Variants in MS4A8 observed in about 807,000 individuals in gnomAD.
The protein encoded by MS4A8 is membrane spanning 4-domains A8, also known as membrane-spanning 4-domains subfamily A member 8.
Under a neutral mutation model 23.7 loss-of-function variants are expected in MS4A8, and 27 were observed. That is an observed-to-expected ratio of 1.14 (90% confidence interval 0.84 to 1.57). The LOEUF is 1.57. Ranked by LOEUF, MS4A8 falls within the 40% of genes most tolerant of loss-of-function variation. The pLI is 0.00. For missense variants in MS4A8, 301 were observed against 311.4 expected (o/e 0.97, Z 0.25); for synonymous variants, 138 against 126.3 (o/e 1.09, Z -0.62).
chr11:60,707,477 G>T (rs192565500), intron 4 of MS4A8, among the ~76,000 whole-genome samples: 1 of 152,160 alleles, frequency 6.6e-6, no homozygotes, highest in African/African-American at 2.4e-5. Flanking sequence ...TCAGTCACTC[G>T]CTTTCCTAAG....
chr11:60,702,516 C>A (rs1159340733), intron 2 of MS4A8, among the ~76,000 whole-genome samples: 3 of 152,240 alleles, frequency 2.0e-5, no homozygotes, highest in African/African-American at 7.2e-5. Flanking sequence ...GATTCTCCCG[C>A]CTCAGCCTCC....
chr11:60,714,201 G>A (rs2088323093), intron 5 of MS4A8, among the ~76,000 whole-genome samples: 3 of 149,930 alleles, frequency 2.0e-5, no homozygotes, highest in Admixed American at 6.6e-5. Context: ...TGGGATTACA[G>A]GCGTGAGCCA....
chr11:60,708,815 T>C (rs774845355), intron 5 of MS4A8, 34 bp downstream of exon 5: 3 of 1,612,826 alleles, frequency 1.9e-6, no homozygotes, highest in East Asian at 4.5e-5. Flanking sequence ...ATCCTCTAAG[T>C]TCTGAATTAG....
At chr11:60,715,176 A>G (rs537733607) in intron 6 of MS4A8, 42 bp downstream of exon 6, 51 of 1,544,064 alleles carry the variant, frequency 3.3e-5, no homozygotes, top group Middle Eastern at 3.4e-4. Context: ...GATGCCCCCA[A>G]AAAGGTGGAG....
At chr11:60,714,898 G>A (rs561074828) in intron 5 of MS4A8, 123 bp from the exon 6 acceptor site, 7 of 688,664 alleles carry the variant, frequency 1.0e-5, no homozygotes, top group African/African-American at 5.3e-5. Context: ...TTCCCCCCAC[G>A]AGGCTGAGAG....
intron 4 of MS4A8, among the ~76,000 whole-genome samples, chr11:60,707,328 G>A (rs1480053489): frequency 6.6e-6 from 1 of 152,150 alleles, no homozygotes; most frequent in African/African-American, 2.4e-5. Context: ...GAGAGAGAGA[G>A]AGAGATAACA....
chr11:60,712,942 A>G (rs1370184955), intron 5 of MS4A8, among the ~76,000 whole-genome samples: 1 of 151,846 alleles, frequency 6.6e-6, no homozygotes, highest in Non-Finnish European at 1.5e-5. Context: ...TTAGATTGAA[A>G]CTCGCTTCCC....
chr11:60,704,827 CACACACACAT>C, intron 3 of MS4A8, among the ~76,000 whole-genome samples: 1 of 123,050 alleles, frequency 8.1e-6, no homozygotes, highest in Admixed American at 1.0e-4. Context: ...CACACACACA[CACACACACAT>C]ACACACACAC....
intron 2 of MS4A8, chr11:60,703,065 A>G (rs664114): frequency 0.8 from 157,244 of 195,830 alleles, 64,557 homozygotes; most frequent in Non-Finnish European, 0.89. Flanking sequence ...CTGAAAAAAC[A>G]TATGTTCCAA....
In MS4A8 at chr11:60,703,434, G is replaced by C; in HGVS notation, c.276G>C (p.Thr92=). The C allele has an allele frequency of 6.2e-7, 1 of 1,605,526 alleles. No individual in the cohort carries two copies. The highest frequency in any genetic ancestry group is 8.5e-7 in the Non-Finnish European group (1 of 1,176,628). Residue 92 remains threonine (T), a synonymous_variant, in exon 3 of 7, where the codon ACG becomes ACC. Coordinates refer to ENST00000300226, the MANE Select transcript of MS4A8 (RefSeq NM_031457.2). ...TCGGCCTCGGCTCCATCATGGCGAC[G>C]GTTCTCGTAGGGGAATACCTGTCTA... is the stretch of plus-strand genomic sequence containing the variant. The part of the protein sequence containing the change: ...AHIGLGSIMA[T]VLVGEYLSIS...
intron 3 of MS4A8, among the ~76,000 whole-genome samples, chr11:60,704,495 TTGTTGG>T (rs1473104166): frequency 6.6e-6 from 1 of 152,158 alleles, no homozygotes; most frequent in African/African-American, 2.4e-5. Flanking sequence ...GCCCCTGGCA[TTGTTGG>T]ACATAGGCCC....
chr11:60,707,209 G>T (rs747503549), intron 4 of MS4A8, among the ~76,000 whole-genome samples, 162 bp downstream of exon 4: 1 of 152,184 alleles, frequency 6.6e-6, no homozygotes, highest in African/African-American at 2.4e-5. Context: ...CTGGCCACAG[G>T]AGCCTGGCCC....
chr11:60,707,134 T>C lies in MS4A8; in HGVS notation c.402+87T>C, dbSNP rs1399452273. 8 of 1,232,216 alleles carry C rather than the reference T, an allele frequency of 6.5e-6. No homozygotes were observed. In the East Asian group the frequency reaches 1.4e-4, roughly 21 times the overall value. 76.3% of individuals were successfully genotyped at this position (1,232,216 alleles called of 1,614,324 possible). A position where few individuals can be genotyped will look rare whatever the true frequency, so the allele number is the denominator to read the frequency against. On this transcript the variant is annotated intron_variant, in intron 4 of 6. Coordinates refer to ENST00000300226, the MANE Select transcript of MS4A8 (RefSeq NM_031457.2). ...GGAAAATAAGGTCACATACGATTCC[T>C]CCCCCAGCCTTGCACCTACTATAAC... is the stretch of plus-strand genomic sequence containing the variant.
chr11:60,700,822 AT>A (rs1262890537), intron 1 of MS4A8, 37 bp from the exon 2 acceptor site: 1 of 1,608,770 alleles, frequency 6.2e-7, no homozygotes, highest in African/African-American at 1.3e-5. Context: ...ACAAGTCCAT[AT>A]GTGAGGGAAA....
At chr11:60,708,809 T>C in intron 5 of MS4A8, 28 bp downstream of exon 5, 1 of 1,613,320 alleles carries the variant, frequency 6.2e-7, no homozygotes, top group African/African-American at 1.3e-5. Flanking sequence ...CCAAAGATCC[T>C]CTAAGTTCTG....
intron 5 of MS4A8, among the ~76,000 whole-genome samples, chr11:60,711,228 A>G (rs1565053509): frequency 6.6e-6 from 1 of 152,230 alleles, no homozygotes; most frequent in East Asian, 1.9e-4. Flanking sequence ...AGCATTTGTC[A>G]AGGAATAAAT....
In MS4A8 at chr11:60,706,996, T is replaced by C. The variant is rs565326968; in HGVS notation, c.351T>C (p.Ile117=). 4 of 1,614,102 alleles carry C rather than the reference T, an allele frequency of 2.5e-6. No individual in the cohort carries two copies. In the African/African-American group the frequency reaches 5.3e-5, roughly 22 times the overall value. ...FPFWGGLWFI[I]SGSLSVAAEN... is the part of the protein sequence containing the mutation. ...ACTCTGTTCTGTACCAGTTTATCAT[T>C]TCAGGATCTCTCTCCGTGGCAGCAG... Residue 117 remains isoleucine, a synonymous_variant, in exon 4 of 7, where the codon ATT becomes ATC. Transcript: ENST00000300226.
intron 5 of MS4A8, among the ~76,000 whole-genome samples, chr11:60,709,388 AAGAG>A (rs111482488): frequency 0.046 from 7,001 of 152,246 alleles, 506 homozygotes; most frequent in African/African-American, 0.16. Flanking sequence ...CCACATTTAA[AAGAG>A]AGAGAGAGTG....
chr11:60,709,418 A>G (rs984816460), intron 5 of MS4A8, among the ~76,000 whole-genome samples: 1 of 152,238 alleles, frequency 6.6e-6, no homozygotes, highest in Non-Finnish European at 1.5e-5. Context: ...AACAGGTGAA[A>G]TTGATTTTAA....
Sources: gnomAD v4.1 joint callset for allele counts (sites outside exome capture counted in the v4.1 genomes callset) on GRCh38, gnomAD v4.1.1 for gene constraint, MANE v1.5 for transcripts, NCBI Gene and HGNC (gene_info 2026-07-23, HGNC 2026-07-21) for gene names.